Variants in DNAH17 observed in about 807,000 individuals in gnomAD.
DNAH17 encodes the protein axonemal beta dynein heavy chain 17.
In DNAH17, 376 loss-of-function variants were observed where a neutral mutation model predicts 485.6. The ratio of observed to expected loss-of-function variants is 0.77; its 90% confidence interval spans 0.71 to 0.84. The LOEUF is 0.84. DNAH17 is among the 40% of genes least tolerant of loss of function. DNAH17 has a pLI of 0.00. For synonymous variants in DNAH17, 3,031 were observed against 2,405.9 expected, an observed-to-expected ratio of 1.26 and a Z score of -7.60; for missense variants, 6,370 against 5,839.3, an observed-to-expected ratio of 1.09 and a Z score of -2.96.
At chr17:78,537,061 C>T (rs1035903589) in intron 19 of DNAH17, among the ~76,000 whole-genome samples, 3 of 151,718 alleles carry the variant, frequency 2.0e-5, no homozygotes, top group Middle Eastern at 3.4e-3. Flanking sequence ...GCCTGTAATC[C>T]CAGCTACTCG....
chr17:78,536,292 A>G (rs2091372509), intron 19 of DNAH17, among the ~76,000 whole-genome samples: 1 of 151,934 alleles, frequency 6.6e-6, no homozygotes, highest in African/African-American at 2.4e-5. Context: ...ATATAAAAAA[A>G]AAGAAAAATT....
In DNAH17 at chr17:78,567,179, A is replaced by G. The variant is rs754224364; in HGVS notation, c.1285-13T>C. The G allele has an allele frequency of 6.3e-7, 1 of 1,585,396 alleles. No homozygotes were observed. The highest frequency in any genetic ancestry group is 8.6e-7 in the Non-Finnish European group (1 of 1,165,608). ...TTTTATAGAGTTCCTAGTGGAGGAG[A>G]AAAACACAGTCAATTCATCTTCACA... On this transcript the variant is annotated splice_polypyrimidine_tract_variant and intron_variant, in intron 9 of 80. Coordinates refer to ENST00000389840, the MANE Select transcript of DNAH17 (RefSeq NM_173628.4).
intron 25 of DNAH17, among the ~76,000 whole-genome samples, chr17:78,524,115 C>T (rs2091002121): frequency 6.6e-6 from 1 of 152,016 alleles, no homozygotes; most frequent in South Asian, 2.1e-4. Context: ...GCGTGGCCCT[C>T]AGGAATGTGA....
In DNAH17 at chr17:78,429,154, G is replaced by C. The variant is rs367945873; in HGVS notation, c.12372C>G (p.Pro4124=). The change falls in exon 76 of 81, where the codon CCC becomes CCG. Residue 4124 remains proline (P), a synonymous_variant. Transcript: ENST00000389840. ...EMLEGDVLLA[P]GFQIPPNLDY... ...CCAGGTTGGGGGGGATCTGAAAGCCGGGGGCCAGCAGGACGTCTCCCTCCA... is the reference window on the plus strand; with the variant it reads ...CCAGGTTGGGGGGGATCTGAAAGCCCGGGGCCAGCAGGACGTCTCCCTCCA... 1 of 1,613,320 alleles carries C rather than the reference G, an allele frequency of 6.2e-7. No homozygotes were observed. The highest frequency in any genetic ancestry group is 1.7e-4 in the Middle Eastern group (1 of 6,060).
chr17:78,468,539 C>T (rs546013308), intron 55 of DNAH17, 78 bp downstream of exon 55: 2 of 1,477,678 alleles, frequency 1.4e-6, no homozygotes, highest in Admixed American at 4.1e-5. Context: ...CTGCTCTATG[C>T]AGAGCAAAAA....
intron 75 of DNAH17, among the ~76,000 whole-genome samples, chr17:78,429,999 A>AGAGCACACGCCAGGC (rs1324645709): frequency 1.4e-4 from 21 of 152,308 alleles, no homozygotes; most frequent in African/African-American, 4.3e-4. Context: ...AGTGTGGACC[A>AGAGCACACGCCAGGC]GAGCACACGC....
intron 27 of DNAH17, 40 bp downstream of exon 27, chr17:78,510,344 G>A: frequency 2.5e-6 from 4 of 1,603,140 alleles, no homozygotes; most frequent in Non-Finnish European, 2.6e-6. Context: ...GTTTCAGGCT[G>A]ATCCCACGTT....
chr17:78,540,582 G>T (rs1197051332), intron 17 of DNAH17, among the ~76,000 whole-genome samples: 2 of 128,752 alleles, frequency 1.6e-5, no homozygotes, highest in African/African-American at 6.0e-5. Context: ...TACGTGGCTG[G>T]ATAAGTGGGG....
chr17:78,544,664 TG>T (rs1179241430), intron 16 of DNAH17, among the ~76,000 whole-genome samples: 1 of 151,972 alleles, frequency 6.6e-6, no homozygotes, highest in African/African-American at 2.4e-5. Flanking sequence ...TAGCCGCGCA[TG>T]GTGGCGGGCA....
chr17:78,570,006 A>AGG, intron 7 of DNAH17, among the ~76,000 whole-genome samples: 1 of 152,308 alleles, frequency 6.6e-6, no homozygotes, highest in East Asian at 1.9e-4. Flanking sequence ...GGGGACTCTC[A>AGG]GGGCAGACCT....
intron 15 of DNAH17, among the ~76,000 whole-genome samples, chr17:78,551,965 G>GAAAAA (rs112451291): frequency 7.1e-6 from 1 of 140,222 alleles, no homozygotes; most frequent in Non-Finnish European, 1.6e-5. Context: ...TCTATCTCAG[G>GAAAAA]AAAAAAAAAA....
In DNAH17 at chr17:78,479,018, G is replaced by C. The variant is rs968389002; in HGVS notation, c.7992+7C>G. The C allele has an allele frequency of 6.2e-7, 1 of 1,612,340 alleles. No homozygotes were observed. The highest frequency in any genetic ancestry group is 1.3e-5 in the African/African-American group (1 of 74,918). ...GCAGGCATGACATAAAGCTACAAGA[G>C]CAGTACCTGGAAAATATTGGAGAGG... On this transcript the variant is annotated splice_region_variant and intron_variant, in intron 51 of 80. Transcript: ENST00000389840.
At chr17:78,452,288 T>G (rs954171555) in intron 65 of DNAH17, among the ~76,000 whole-genome samples, 8 of 152,192 alleles carry the variant, frequency 5.3e-5, no homozygotes, top group African/African-American at 1.9e-4. Flanking sequence ...TAAAGTAGAT[T>G]TAATTTTTTA....
At position 78,500,156 on chromosome 17, in the gene DNAH17, C is replaced by T. The variant is rs565371189; in HGVS notation, c.5640+149G>A. ...GACCACCTGAGGGGGATGCTACCAG[C>T]AAGTGGGGGCCCTGGCACCTCCTCT... On this transcript the variant is annotated intron_variant, in intron 36 of 80. Transcript: ENST00000389840. The T allele has an allele frequency of 1.9e-5, 16 of 857,974 alleles. No homozygotes were observed. The East Asian group carries it at 4.5e-4, about 24-fold the overall frequency. 53.1% of individuals were successfully genotyped at this position (857,974 alleles called of 1,614,324 possible).
At position 78,537,440 on chromosome 17, in the gene DNAH17, G is replaced by C; in HGVS notation, c.2718C>G (p.Asp906Glu). ...APLFEIRMELDEDGLTFNPTL... is the reference protein window; with the variant it reads ...APLFEIRMELEEDGLTFNPTL... Reference sequence around the variant, plus strand: ...TCGGGTTGAAGGTCAGCCCATCCTCGTCCAGCTCCATGCGGATCTCAAACA... The same window carrying C: ...TCGGGTTGAAGGTCAGCCCATCCTCCTCCAGCTCCATGCGGATCTCAAACA... The change falls in exon 19 of 81, where the codon GAC becomes GAG. Residue 906 changes from aspartate to glutamate, a missense_variant. Asp to Glu is a conservative substitution (Grantham distance 45, BLOSUM62 2). Coordinates refer to ENST00000389840, the MANE Select transcript of DNAH17 (RefSeq NM_173628.4). 2 of 1,613,416 alleles carry C rather than the reference G, an allele frequency of 1.2e-6. No homozygotes were observed. The highest frequency in any genetic ancestry group is 8.5e-7 in the Non-Finnish European group (1 of 1,179,856).
chr17:78,547,208 G>GT (rs780005669), intron 16 of DNAH17, among the ~76,000 whole-genome samples: 3 of 152,158 alleles, frequency 2.0e-5, no homozygotes, highest in Admixed American at 6.5e-5. Flanking sequence ...CTAGAATGTG[G>GT]TTGACCTCTT....
chr17:78,564,440 G>A (rs993136037), intron 11 of DNAH17, among the ~76,000 whole-genome samples: 2 of 152,116 alleles, frequency 1.3e-5, no homozygotes, highest in African/African-American at 2.4e-5. Context: ...TGTTAGGGGT[G>A]CAGGAGCCAC....
At position 78,494,618 on chromosome 17, in the gene DNAH17, C is replaced by G. The variant is rs533663865; in HGVS notation, c.6245G>C (p.Arg2082Pro). The G allele has an allele frequency of 6.2e-7, 1 of 1,613,708 alleles. No individual in the cohort carries two copies. Among genetic ancestry groups the G allele is most frequent in the African/African-American group, 1.3e-5 (1 of 74,938 alleles). ...CTTTTCAAAATTCAGGTCCCGTTTC[C>G]GAGGCACGTCCAGAGCCGGGAAGAG... ...GDLFPALDVP[R>P]KRDLNFEKII... The change falls in exon 40 of 81, where the codon CGG becomes CCG. Residue 2082 changes from arginine to proline, a missense_variant. Physicochemically the swap from Arg to Pro is moderately radical, Grantham distance 103. Coordinates refer to ENST00000389840, the MANE Select transcript of DNAH17 (RefSeq NM_173628.4).
At chr17:78,442,172 T>C (rs55839026) in intron 71 of DNAH17, among the ~76,000 whole-genome samples, 8,846 of 152,238 alleles carry the variant, frequency 0.058, 369 homozygotes, top group South Asian at 0.1. Context: ...GAACTGCTCG[T>C]CCCTGGGCAG....
Sources: gnomAD v4.1 joint callset for allele counts (sites outside exome capture counted in the v4.1 genomes callset) on GRCh38, gnomAD v4.1.1 for gene constraint, MANE v1.5 for transcripts, NCBI Gene and HGNC (gene_info 2026-07-23, HGNC 2026-07-21) for gene names.